OXNAD1: variants seen among roughly 807,000 people sequenced by gnomAD.
The protein encoded by OXNAD1 is oxidoreductase NAD-binding domain-containing protein 1.
Under a neutral mutation model 32.9 loss-of-function variants are expected in OXNAD1, and 34 were observed. The ratio of observed to expected loss-of-function variants is 1.03; its 90% CI spans 0.79 to 1.38. The LOEUF is 1.38. OXNAD1 is among the 40% of genes most tolerant of loss of function. The probability of loss-of-function intolerance (pLI) is 0.00; values close to 1 mark genes in which losing one functional copy is unlikely to be tolerated. For missense variants in OXNAD1, 407 were observed against 379.4 expected (o/e 1.07, Z -0.60); for synonymous variants, 134 against 135.2 (o/e 0.99, Z 0.06).
chr3:16,295,721 C>T (rs2066739736), intron 6 of OXNAD1, among the ~76,000 whole-genome samples: 1 of 152,096 alleles, frequency 6.6e-6, no homozygotes, highest in Non-Finnish European at 1.5e-5. Flanking sequence ...AGAGTGTCTT[C>T]TATATTTACC....
rs1332272421 is a variant in OXNAD1 at position 16,301,228 on chromosome 3, A to G, written c.433-398A>G. ...CAGGCAGTCTAGTGACATTTGCCACATCCTGTTTCTCTCAGCTTTGGTTAG... is the reference window on the plus strand; with the variant it reads ...CAGGCAGTCTAGTGACATTTGCCACGTCCTGTTTCTCTCAGCTTTGGTTAG... On this transcript the variant is annotated intron_variant, in intron 6 of 8. Transcript: ENST00000285083. The surrounding 1 kb of genome is among the most constrained non-coding windows in gnomAD (Gnocchi z 4.1). Among the ~76,000 whole-genome samples, 2 of 152,218 alleles carry G rather than the reference A, an allele frequency of 1.3e-5. No homozygotes were observed. Among genetic ancestry groups the G allele is most frequent in the Non-Finnish European group, 2.9e-5 (2 of 68,044 alleles).
At chr3:16,270,883 T>C in intron 2 of OXNAD1, 62 bp from the exon 3 acceptor site, 7 of 1,604,780 alleles carry the variant, frequency 4.4e-6, no homozygotes, top group Non-Finnish European at 5.1e-6. Context: ...CCCTCTAAAA[T>C]AGTCTGATAT....
At chr3:16,273,239 G>T (rs987363560) in intron 4 of OXNAD1, among the ~76,000 whole-genome samples, 1 of 152,116 alleles carries the variant, frequency 6.6e-6, no homozygotes, top group Non-Finnish European at 1.5e-5. Flanking sequence ...ACTGTTTAGC[G>T]TCAACTGATA....
chr3:16,308,546 A>G (rs1214918628), downstream of OXNAD1, among the ~76,000 whole-genome samples: 2 of 152,134 alleles, frequency 1.3e-5, no homozygotes, highest in African/African-American at 4.8e-5. The surrounding 1 kb of genome is among the most constrained non-coding windows in gnomAD (Gnocchi z 4.4). Context: ...CCGTTATTTC[A>G]TCTTATTTTA....
Position 16,312,971 on chromosome 3 carries a change from C to A in OXNAD1, c.*30+9379C>A, listed in dbSNP as rs144618986. 6.6e-6 allele frequency among the ~76,000 whole-genome samples: 1 copy of A among 152,136 alleles called. No homozygotes were observed. Among genetic ancestry groups the A allele is most frequent in the Non-Finnish European group, 1.5e-5 (1 of 68,012 alleles). ...ATTTCTGTTAAGATGGGATATACTA[C>A]GCTTCAGTAGCCAATAAATCTCAAA... On this transcript the variant is annotated intron_variant, in intron 9 of 9. Transcript: ENST00000435829. This position sits in a 1 kb window ranked among gnomAD's most constrained non-coding sequence, Gnocchi z 4.7.
intron 1 of OXNAD1, among the ~76,000 whole-genome samples, chr3:16,266,517 C>T (rs59350231): frequency 6.8e-6 from 1 of 146,836 alleles, no homozygotes; most frequent in African/African-American, 2.5e-5. Flanking sequence ...GCAGGAGAAT[C>T]TCTTGAACCT....
chr3:16,278,057 CT>C (rs1393356202), intron 4 of OXNAD1, among the ~76,000 whole-genome samples: 1 of 152,178 alleles, frequency 6.6e-6, no homozygotes, highest in Non-Finnish European at 1.5e-5. Context: ...AATATATGCT[CT>C]GTTCATCAGT....
intron 6 of OXNAD1, among the ~76,000 whole-genome samples, chr3:16,300,567 C>T (rs1357302109): frequency 6.6e-6 from 1 of 152,214 alleles, no homozygotes; most frequent in Non-Finnish European, 1.5e-5. Context: ...AACCAGTTTT[C>T]ACCTACAAGA....
downstream of OXNAD1, chr3:16,339,411 T>C (rs2071158795): frequency 6.6e-6 from 1 of 152,200 alleles, no homozygotes; most frequent in African/African-American, 2.4e-5. Context: ...AGCTGGAATA[T>C]CCTGCCTTCA....
At chr3:16,324,613 A>ACCC (rs111849488) in intron 9 of OXNAD1, among the ~76,000 whole-genome samples, 2,317 of 90,722 alleles carry the variant, frequency 0.026, 262 homozygotes, top group Middle Eastern at 0.058. Context: ...AATGTCCCTG[A>ACCC]CCCCCCCCCT....
rs1282864738 is a variant in OXNAD1, at chr3:16,346,937, T to C, written c.*31-2239T>C. Among the ~76,000 whole-genome samples the C allele has an allele frequency of 6.6e-6, 1 of 152,186 alleles. No individual in the cohort carries two copies. The highest frequency in any genetic ancestry group is 1.5e-5 in the Non-Finnish European group (1 of 68,038). On this transcript the variant is annotated intron_variant, in intron 9 of 9. Transcript: ENST00000606098. The surrounding 1 kb of genome is among the most constrained non-coding windows in gnomAD (Gnocchi z 4.4). ...TGACTCTGCAACCTCCCCACCTTGC[T>C]CTAGACTTCCTGCTCAATGAGATGA...
Position 16,317,344 on chromosome 3 carries a change from C to T in OXNAD1, c.*30+13752C>T, listed in dbSNP as rs1044712577. The T allele has an allele frequency of 3.7e-6, 4 of 1,093,980 alleles. No homozygotes were observed. The highest frequency in any genetic ancestry group is 5.3e-6 in the Non-Finnish European group (4 of 761,270). 67.8% of individuals were successfully genotyped at this position (1,093,980 alleles called of 1,614,324 possible). On this transcript the variant is annotated intron_variant, in intron 9 of 9. Transcript: ENST00000435829. This position sits in a 1 kb window ranked among gnomAD's most constrained non-coding sequence, Gnocchi z 4.3. The stretch of plus-strand genomic sequence containing the variant: ...CCATGTCTGAGTGAGACATACAATT[C>T]CCAGCATCCCCCAGCCAGGCAGTAC...
intron 9 of OXNAD1, among the ~76,000 whole-genome samples, chr3:16,326,177 C>T (rs2069669083): frequency 6.6e-6 from 1 of 152,180 alleles, no homozygotes; most frequent in South Asian, 2.1e-4. Context: ...TGTGACTGGG[C>T]TCAAGGGAGC....
chr3:16,303,787 G>A lies in OXNAD1; in HGVS notation c.*225G>A. On this transcript the variant is annotated 3_prime_UTR_variant, in exon 9 of 9. Coordinates refer to ENST00000285083, the MANE Select transcript of OXNAD1 (RefSeq NM_138381.5). The surrounding 1 kb of genome is among the most constrained non-coding windows in gnomAD (Gnocchi z 4.8). ...CTATTTTTTACTATACTGATTTTCTGTTATTAACAACGATTTAATTGTCTC... is the reference window on the plus strand; with the variant it reads ...CTATTTTTTACTATACTGATTTTCTATTATTAACAACGATTTAATTGTCTC... 2.6e-6 allele frequency: 1 copy of A among 379,912 alleles called. No individual in the cohort carries two copies. The highest frequency in any genetic ancestry group is 4.7e-6 in the Non-Finnish European group (1 of 212,760). 23.5% of individuals were successfully genotyped at this position (379,912 alleles called of 1,614,324 possible).
chr3:16,270,888 T>C, intron 2 of OXNAD1, 57 bp from the exon 3 acceptor site: 1 of 1,608,498 alleles, frequency 6.2e-7, no homozygotes, highest in Non-Finnish European at 8.5e-7. Flanking sequence ...TAAAATAGTC[T>C]GATATTTCCC....
Position 16,297,763 on chromosome 3 carries a change from G to C in OXNAD1, c.432+2766G>C, listed in dbSNP as rs561199893. 8.0e-4 allele frequency among the ~76,000 whole-genome samples: 122 copies of C among 152,234 alleles called. No individual in the cohort carries two copies. Among genetic ancestry groups the C allele is most frequent in the African/African-American group, 2.9e-3 (119 of 41,548 alleles). On this transcript the variant is annotated intron_variant, in intron 6 of 8. Coordinates refer to ENST00000285083, the MANE Select transcript of OXNAD1 (RefSeq NM_138381.5). This position sits in a 1 kb window ranked among gnomAD's most constrained non-coding sequence, Gnocchi z 4.3. ...TTACATACTGTAAAATCCCATTTTTGTCACATTCTGGAAGACAAAGATATA... is the reference window on the plus strand; with the variant it reads ...TTACATACTGTAAAATCCCATTTTTCTCACATTCTGGAAGACAAAGATATA...
intron 9 of OXNAD1, among the ~76,000 whole-genome samples, chr3:16,343,763 C>T (rs1243776997): frequency 6.6e-6 from 1 of 152,194 alleles, no homozygotes; most frequent in African/African-American, 2.4e-5. Flanking sequence ...GATCCAGAAA[C>T]CATGAATATA....
Position 16,329,362 on chromosome 3 carries a change from G to A in OXNAD1, c.*31-7750G>A, listed in dbSNP as rs940403774. On this transcript the variant is annotated intron_variant, in intron 9 of 9. Coordinates refer to the OXNAD1 transcript ENST00000435829. The surrounding 1 kb of genome is among the most constrained non-coding windows in gnomAD (Gnocchi z 4.5). ...AGTGGAGAAAGGGAAAGGGAAAGAG[G>A]AAACTTAATAAAGGAAGGCGGAAGG... Among the ~76,000 whole-genome samples the A allele has an allele frequency of 6.6e-6, 1 of 152,084 alleles. No individual in the cohort carries two copies. Among genetic ancestry groups the A allele is most frequent in the Non-Finnish European group, 1.5e-5 (1 of 68,006 alleles).
At chr3:16,270,570 A>T (rs1468860139) in intron 2 of OXNAD1, among the ~76,000 whole-genome samples, 1 of 152,216 alleles carries the variant, frequency 6.6e-6, no homozygotes, top group African/African-American at 2.4e-5. Context: ...CAAGAAATAT[A>T]AAAGACTTAT....
Sources: allele counts gnomAD v4.1 joint callset (sites outside exome capture counted in the v4.1 genomes callset), GRCh38; gene constraint gnomAD v4.1.1; non-coding constraint Gnocchi (gnomAD v3.1); transcripts MANE v1.5; gene names NCBI Gene and HGNC (gene_info 2026-07-23, HGNC 2026-07-21).